IFNLR1: variants seen among roughly 807,000 people sequenced by gnomAD.
The protein encoded by IFNLR1 is interferon lambda receptor 1.
In IFNLR1, 28 loss-of-function variants were observed where a neutral mutation model predicts 52.5. That is an observed-to-expected ratio of 0.53 (90% CI 0.40 to 0.73). The LOEUF (loss-of-function observed/expected upper bound fraction) is 0.73. Ranked by LOEUF, IFNLR1 falls within the 30% of genes least tolerant of loss-of-function variation. The probability of loss-of-function intolerance (pLI) is 0.00; values close to 1 mark genes in which losing one functional copy is unlikely to be tolerated. For missense variants in IFNLR1, 623 were observed against 659.1 expected (o/e 0.95, Z 0.60); for synonymous variants, 276 against 274.9 (o/e 1.00, Z -0.04).
At chr1:24,169,728 G>T in intron 2 of IFNLR1, 127 bp from the exon 3 acceptor site, 1 of 918,708 alleles carries the variant, frequency 1.1e-6, no homozygotes, top group Non-Finnish European at 1.6e-6. Context: ...GTCCAGACAG[G>T]CAGCCACTGG....
At chr1:24,161,445 G>A (rs1285596045) in intron 4 of IFNLR1, 97 bp downstream of exon 4, 1 of 1,380,060 alleles carries the variant, frequency 7.2e-7, no homozygotes, top group Admixed American at 2.0e-5. Flanking sequence ...ACTTCCTGGA[G>A]GAGGGGTGCA....
intron 4 of IFNLR1, 107 bp from the exon 5 acceptor site, chr1:24,159,740 T>TTTTTTTTTTTGTTG: frequency 9.8e-7 from 1 of 1,015,418 alleles, no homozygotes; most frequent in African/African-American, 1.7e-5. Context: ...TTTTTTTGTT[T>TTTTTTTTTTTGTTG]TTTTTTTTTG....
intron 2 of IFNLR1, among the ~76,000 whole-genome samples, chr1:24,171,981 A>T (rs1435018519): frequency 6.6e-6 from 1 of 151,938 alleles, no homozygotes; most frequent in Non-Finnish European, 1.5e-5. Flanking sequence ...TTAAAAAAAT[A>T]TTCTGTAGAG....
At chr1:24,164,459 A>G (rs1378604431) in intron 3 of IFNLR1, among the ~76,000 whole-genome samples, 2 of 152,198 alleles carry the variant, frequency 1.3e-5, no homozygotes, top group Non-Finnish European at 2.9e-5. Context: ...CAGGAACTTT[A>G]CGGGTCTCCT....
intron 2 of IFNLR1, among the ~76,000 whole-genome samples, chr1:24,177,980 A>G (rs1644651647): frequency 6.6e-6 from 1 of 152,174 alleles, no homozygotes; most frequent in Non-Finnish European, 1.5e-5. Flanking sequence ...TAGGCATTTT[A>G]TCTTAAAAAT....
chr1:24,180,237 C>T lies in IFNLR1; in HGVS notation c.182+494G>A, dbSNP rs146529956. Among the ~76,000 whole-genome samples the T allele has an allele frequency of 4.6e-3, 691 of 149,508 alleles. 8 individuals carry two copies. The highest frequency in any genetic ancestry group is 0.015 in the African/African-American group (616 of 40,566). The stretch of plus-strand genomic sequence containing the variant: ...ACTTGAACCCAGGAGGTGGAGGTTG[C>T]AGTGAGCCGAGATCAAGCCACTGCA... On this transcript the variant is annotated intron_variant, in intron 2 of 6. Transcript: ENST00000327535.
intron 3 of IFNLR1, 72 bp from the exon 4 acceptor site, chr1:24,161,756 G>A (rs780958160): frequency 4.3e-6 from 6 of 1,400,784 alleles, no homozygotes; most frequent in Non-Finnish European, 5.7e-6. Flanking sequence ...AGACCAGAGA[G>A]CTCTCTTGGA....
intron 2 of IFNLR1, among the ~76,000 whole-genome samples, chr1:24,171,496 A>G (rs1392851541): frequency 1.3e-5 from 2 of 152,156 alleles, no homozygotes; most frequent in African/African-American, 2.4e-5. Flanking sequence ...TTAAAAAAAT[A>G]TATATTTTTT....
intron 2 of IFNLR1, among the ~76,000 whole-genome samples, chr1:24,171,625 C>G (rs1337645780): frequency 6.6e-6 from 1 of 151,482 alleles, no homozygotes; most frequent in African/African-American, 2.4e-5. Context: ...TCACTGGGAC[C>G]ACAGGTACCT....
At chr1:24,180,541 C>T (rs1644678558) in intron 2 of IFNLR1, among the ~76,000 whole-genome samples, 190 bp downstream of exon 2, 1 of 152,118 alleles carries the variant, frequency 6.6e-6, no homozygotes, top group South Asian at 2.1e-4. Flanking sequence ...GCTCTTCATT[C>T]AACATCTTCC....
chr1:24,181,652 A>C (rs1644691735), intron 1 of IFNLR1, among the ~76,000 whole-genome samples: 1 of 152,082 alleles, frequency 6.6e-6, no homozygotes. Flanking sequence ...AAGCCTTTGA[A>C]CTTGTTTTGC....
rs568357833 is a variant in IFNLR1, at chr1:24,180,390, C to A, written c.182+341G>T. Among the ~76,000 whole-genome samples, 25 of 152,216 alleles carry A rather than the reference C, an allele frequency of 1.6e-4. No homozygotes were observed. In the East Asian group the frequency reaches 4.4e-3, roughly 27 times the overall value. On this transcript the variant is annotated intron_variant, in intron 2 of 6. Transcript: ENST00000327535. The stretch of plus-strand genomic sequence containing the variant: ...CTCTGCTGTGTACCTAGTTGCCTCA[C>A]TGATCAGCTGGGACAGCTCCAAGCA...
At chr1:24,161,484 T>C in intron 4 of IFNLR1, 58 bp downstream of exon 4, 1 of 1,547,794 alleles carries the variant, frequency 6.5e-7, no homozygotes, top group Non-Finnish European at 8.7e-7. Flanking sequence ...GAGAAGAACC[T>C]GAGTAAGAAG....
rs1313192078 is a variant in IFNLR1 at position 24,157,581 on chromosome 1, C to G, written c.1112G>C (p.Arg371Thr). The G allele has an allele frequency of 1.9e-5, 31 of 1,611,420 alleles. No individual in the cohort carries two copies. The highest frequency in any genetic ancestry group is 2.5e-5 in the Non-Finnish European group (30 of 1,178,876). ...GCCTTCGCTTGGGACCAGAGGAGCC[C>G]TGGGCCTCCCTGAGTCCACCCCACC... ...EAGGVDSGRP[R>T]APLVPSEGSS... The change falls in exon 7 of 7, where the codon AGG becomes ACG. Residue 371 changes from arginine (R) to threonine (T), a missense_variant. Coordinates refer to ENST00000327535, the MANE Select transcript of IFNLR1 (RefSeq NM_170743.4). This position sits in a 1 kb window ranked among gnomAD's most constrained non-coding sequence, Gnocchi z 5.1.
intron 1 of IFNLR1, among the ~76,000 whole-genome samples, chr1:24,181,790 A>G (rs997625327): frequency 6.6e-6 from 1 of 152,206 alleles, no homozygotes; most frequent in African/African-American, 2.4e-5. Flanking sequence ...AGACAGGCAT[A>G]AACTTGGACA....
rs199848238 is a variant in IFNLR1, at chr1:24,157,235, C to T, written c.1458G>A (p.Ala486=). The T allele has an allele frequency of 4.6e-5, 75 of 1,614,186 alleles. No homozygotes were observed. In the East Asian group the frequency reaches 1.0e-3, roughly 22 times the overall value. Residue 486 remains alanine (A), a synonymous_variant, in exon 7 of 7, where the codon GCG becomes GCA. Transcript: ENST00000327535. The surrounding 1 kb of genome is among the most constrained non-coding windows in gnomAD (Gnocchi z 5.1). ...CGCTGTCCTCAATTTCTGATTCCCT[C>T]GCCTCCTCTTCCTCCTCAGGGCTGC... ...WESSPEEEEE[A]RESEIEDSDA...
intron 4 of IFNLR1, among the ~76,000 whole-genome samples, chr1:24,160,263 A>G (rs1443900169): frequency 3.9e-5 from 6 of 152,212 alleles, no homozygotes; most frequent in Non-Finnish European, 8.8e-5. Flanking sequence ...GTGGTATGGA[A>G]GGCACTGGCC....
chr1:24,177,579 G>T lies in IFNLR1; in HGVS notation c.182+3152C>A, dbSNP rs546700064. Among the ~76,000 whole-genome samples the T allele has an allele frequency of 2.0e-5, 3 of 152,288 alleles. No homozygotes were observed. The South Asian group carries it at 6.2e-4, about 32-fold the overall frequency. On this transcript the variant is annotated intron_variant, in intron 2 of 6. Coordinates refer to ENST00000327535, the MANE Select transcript of IFNLR1 (RefSeq NM_170743.4). ...TTCCAGCCAGCCTGGCAGCCAGTTG[G>T]GTTGTGCCCACCCACACTGAGTGAG... is the stretch of plus-strand genomic sequence containing the variant.
intron 4 of IFNLR1, 36 bp downstream of exon 4, chr1:24,161,506 C>G: frequency 1.3e-6 from 2 of 1,552,360 alleles, no homozygotes. Context: ...GGTGGAGGAG[C>G]GGGCCTAGCC....
Sources: allele counts gnomAD v4.1 joint callset (sites outside exome capture counted in the v4.1 genomes callset), GRCh38; gene constraint gnomAD v4.1.1; non-coding constraint Gnocchi (gnomAD v3.1); transcripts MANE v1.5; gene names NCBI Gene and HGNC (gene_info 2026-07-23, HGNC 2026-07-21).